The following ADK variants were observed in gnomAD, a reference collection of about 807,000 sequenced individuals.
ADK encodes adenosine kinase, also known as N6,N6-dimethyladenosine kinase.
ADK carries 24 observed loss-of-function variants against 44.7 expected under a neutral mutation model. The ratio of observed to expected loss-of-function variants is 0.54; its 90% confidence interval spans 0.39 to 0.76. ADK has a LOEUF of 0.76. Ranked by LOEUF, ADK falls within the 30% of genes least tolerant of loss-of-function variation. ADK has a pLI of 0.00. For synonymous variants in ADK, 128 were observed against 142.6 expected (o/e 0.90, Z 0.73); for missense variants, 321 against 425.1 (o/e 0.76, Z 2.15).
intron 9 of ADK, among the ~76,000 whole-genome samples, chr10:74,657,449 T>A (rs1042593319): frequency 6.6e-6 from 1 of 152,228 alleles, no homozygotes; most frequent in Non-Finnish European, 1.5e-5. Context: ...TCAGAAATGC[T>A]AAATTATTAA....
intron 4 of ADK, among the ~76,000 whole-genome samples, chr10:74,316,264 G>A (rs1274363182): frequency 6.6e-6 from 1 of 151,826 alleles, no homozygotes; most frequent in Admixed American, 6.6e-5. Flanking sequence ...GAGAAAAAAA[G>A]GATGATTTAC....
chr10:74,245,182 T>C (rs1396984946), intron 3 of ADK, among the ~76,000 whole-genome samples: 1 of 152,204 alleles, frequency 6.6e-6, no homozygotes, highest in Non-Finnish European at 1.5e-5. Context: ...TAACTTTCAA[T>C]TTAATGTTCA....
chr10:74,171,300 C>T (rs1225748472), intron 1 of ADK, among the ~76,000 whole-genome samples: 2 of 152,088 alleles, frequency 1.3e-5, no homozygotes, highest in Admixed American at 6.6e-5. Context: ...CACATATTGC[C>T]AAAATTCTTT....
chr10:74,165,397 C>T (rs1842009537), intron 1 of ADK, among the ~76,000 whole-genome samples: 1 of 151,612 alleles, frequency 6.6e-6, no homozygotes, highest in East Asian at 1.9e-4. Context: ...GAGATTTGAT[C>T]CTGAGTCTTA....
At position 74,559,344 on chromosome 10, in the gene ADK, C is replaced by G. The variant is rs11817959; in HGVS notation, c.727-29938C>G. On this transcript the variant is annotated intron_variant, in intron 7 of 10. Transcript: ENST00000539909. ...ATCATACTTTAATTCTGTTTTGTATCTTCTCACATAAAATAGCTAGATCTC... is the reference window on the plus strand; with the variant it reads ...ATCATACTTTAATTCTGTTTTGTATGTTCTCACATAAAATAGCTAGATCTC... Among the ~76,000 whole-genome samples, 621 of 152,354 alleles carry G rather than the reference C, an allele frequency of 4.1e-3. 8 individuals are homozygous for G. Among genetic ancestry groups the G allele is most frequent in the African/African-American group, 0.014 (570 of 41,584 alleles).
At position 74,455,214 on chromosome 10, in the gene ADK, A is replaced by C. The variant is rs146388947; in HGVS notation, c.555+56635A>C. 2.5e-3 allele frequency among the ~76,000 whole-genome samples: 374 copies of C among 152,212 alleles called. 2 individuals carry two copies. Among genetic ancestry groups the C allele is most frequent in the African/African-American group, 8.5e-3 (354 of 41,542 alleles). The stretch of plus-strand genomic sequence containing the variant: ...CACTCACAAAATGTTTGCTATAAAG[A>C]TATTTTCGACCTTCCATGGTGGTTC... On this transcript the variant is annotated intron_variant, in intron 6 of 10. Coordinates refer to ENST00000539909, the MANE Select transcript of ADK (RefSeq NM_006721.4).
chr10:74,469,285 A>C (rs1846472515), intron 6 of ADK, among the ~76,000 whole-genome samples: 1 of 152,162 alleles, frequency 6.6e-6, no homozygotes, highest in Admixed American at 6.5e-5. Context: ...GCTGCGGTGA[A>C]CTGTGATTGC....
chr10:74,380,397 C>T (rs1842942318), intron 4 of ADK, among the ~76,000 whole-genome samples: 1 of 152,102 alleles, frequency 6.6e-6, no homozygotes, highest in Non-Finnish European at 1.5e-5. Context: ...TATTTTGATA[C>T]TCGCTTCCCT....
In ADK at chr10:74,442,695, G is replaced by A. The variant is rs568594706; in HGVS notation, c.555+44116G>A. Among the ~76,000 whole-genome samples the A allele has an allele frequency of 2.0e-5, 3 of 152,174 alleles. No homozygotes were observed. In the East Asian group the frequency reaches 5.8e-4, roughly 29 times the overall value. ...TAAACGGAAATGAAATCAGTATGTT[G>A]AAGAGATATTTGTACTCCCGTGTTC... is the stretch of plus-strand genomic sequence containing the variant. On this transcript the variant is annotated intron_variant, in intron 6 of 10. Transcript: ENST00000539909.
At chr10:74,414,502 G>A (rs939833242) in intron 6 of ADK, among the ~76,000 whole-genome samples, 12 of 152,190 alleles carry the variant, frequency 7.9e-5, no homozygotes, top group Admixed American at 2.6e-4. Flanking sequence ...TTGGGAGGCC[G>A]AGGTGGGCAG....
intron 9 of ADK, among the ~76,000 whole-genome samples, chr10:74,607,958 A>T (rs112829473): frequency 0.037 from 5,610 of 151,210 alleles, 360 homozygotes; most frequent in African/African-American, 0.13. Flanking sequence ...TAATCTTGTC[A>T]TGATGCTTTA....
intron 1 of ADK, chr10:74,174,552 G>A (rs933113780): frequency 4.6e-5 from 7 of 152,166 alleles, no homozygotes. Context: ...TTGTATGCAT[G>A]TTAAAGTTTG....
At chr10:74,700,680 A>C (rs1365790892) in intron 10 of ADK, among the ~76,000 whole-genome samples, 1 of 152,130 alleles carries the variant, frequency 6.6e-6, no homozygotes, top group Admixed American at 6.5e-5. Context: ...ACATCTGCTT[A>C]CCTTTACTAA....
intron 7 of ADK, among the ~76,000 whole-genome samples, chr10:74,557,963 A>T (rs1020629204): frequency 2.0e-5 from 3 of 152,182 alleles, no homozygotes; most frequent in African/African-American, 7.2e-5. Flanking sequence ...GTTAGTTAGG[A>T]TAAGGAAACC....
At chr10:74,569,748 C>A (rs2133850308) in intron 7 of ADK, among the ~76,000 whole-genome samples, 1 of 152,286 alleles carries the variant, frequency 6.6e-6, no homozygotes, top group South Asian at 2.1e-4. Flanking sequence ...ATGGTAGTTT[C>A]TTTTGCTGTG....
intron 1 of ADK, among the ~76,000 whole-genome samples, chr10:74,180,220 ATTATTATTATTATTG>A (rs1012757235): frequency 2.5e-4 from 26 of 105,634 alleles, no homozygotes; most frequent in South Asian, 1.1e-3. Flanking sequence ...TATTATTATT[ATTATTATTATTATTG>A]TTATTATTAA....
chr10:74,274,730 G>GTGTATATATATATATATATATATATA (rs1846592409), intron 3 of ADK, among the ~76,000 whole-genome samples: 1 of 40,518 alleles, frequency 2.5e-5, no homozygotes, highest in Non-Finnish European at 6.7e-5. Context: ...ATTTTAATGT[G>GTGTATATATATATATATATATATATA]TGTATATATA....
intron 3 of ADK, among the ~76,000 whole-genome samples, chr10:74,227,932 C>T (rs983230523): frequency 1.3e-5 from 2 of 151,918 alleles, no homozygotes; most frequent in Admixed American, 6.6e-5. Flanking sequence ...ATCTCTTGGG[C>T]CTAGGAGATC....
rs1003394829 is a variant in ADK, at chr10:74,449,432, C to G, written c.555+50853C>G. ...TTGATTGAATAACTAGAGTCTGTAG[C>G]CTAGTCAAGTTGTCACCTCAAAAAA... On this transcript the variant is annotated intron_variant, in intron 6 of 10. Transcript: ENST00000539909. Among the ~76,000 whole-genome samples, 3 of 152,090 alleles carry G rather than the reference C, an allele frequency of 2.0e-5. 1 individual carries two copies. The highest frequency in any genetic ancestry group is 7.2e-5 in the African/African-American group (3 of 41,414).
Sources: gnomAD v4.1 joint callset for allele counts (sites outside exome capture counted in the v4.1 genomes callset) on GRCh38, gnomAD v4.1.1 for gene constraint, MANE v1.5 for transcripts, NCBI Gene and HGNC (gene_info 2026-07-23, HGNC 2026-07-21) for gene names.